LINGO2: variants seen among roughly 807,000 people sequenced by gnomAD.
LINGO2 encodes leucine-rich repeat and immunoglobulin-like domain-containing nogo receptor-interacting protein 2.
Under a neutral mutation model 30.6 loss-of-function variants are expected in LINGO2, and 14 were observed. The ratio of observed to expected loss-of-function variants is 0.46; its 90% confidence interval spans 0.30 to 0.72. The LOEUF (loss-of-function observed/expected upper bound fraction) is 0.72, where lower values mean the gene tolerates loss of function less well. Ranked by LOEUF, LINGO2 falls within the 30% of genes least tolerant of loss-of-function variation. The pLI is 0.07. For synonymous variants in LINGO2, 317 were observed against 288.5 expected (o/e 1.10, Z -1.00); for missense variants, 729 against 751.7 (o/e 0.97, Z 0.35).
the LINGO2 span, among the ~76,000 whole-genome samples, chr9:29,190,551 G>A: frequency 6.6e-6 from 1 of 152,062 alleles, no homozygotes; most frequent in Non-Finnish European, 1.5e-5. Flanking sequence ...TAGTTCATAT[G>A]ATTAAAATAG....
At chr9:28,246,662 C>A (rs1346501991) in intron 4 of LINGO2, among the ~76,000 whole-genome samples, 1 of 151,946 alleles carries the variant, frequency 6.6e-6, no homozygotes, top group African/African-American at 2.4e-5. Context: ...AGAAGAAAAC[C>A]TAGGCAATAC....
chr9:29,072,611 T>TTATATATATATATATATATA, the LINGO2 span, among the ~76,000 whole-genome samples: 311 of 140,290 alleles, frequency 2.2e-3, 10 homozygotes, highest in Middle Eastern at 0.011. Flanking sequence ...TGTCTCTCTT[T>TTATATATATATATATATATA]GATATATATA....
At chr9:28,603,641 T>A (rs570143006) in intron 1 of LINGO2, among the ~76,000 whole-genome samples, 1 of 152,030 alleles carries the variant, frequency 6.6e-6, no homozygotes, top group Non-Finnish European at 1.5e-5. Flanking sequence ...GCTGTCTCCT[T>A]TGGGAAAAAT....
chr9:28,625,186 G>A (rs1306928962), intron 1 of LINGO2, among the ~76,000 whole-genome samples: 2 of 152,052 alleles, frequency 1.3e-5, no homozygotes, highest in Non-Finnish European at 2.9e-5. Context: ...CTCTTGGTTA[G>A]GGCTGGTCCA....
the LINGO2 span, among the ~76,000 whole-genome samples, chr9:29,074,573 T>C: frequency 6.6e-6 from 1 of 152,076 alleles, no homozygotes; most frequent in South Asian, 2.1e-4. Flanking sequence ...GGCACATCCA[T>C]AGGTTTACAA....
intron 4 of LINGO2, among the ~76,000 whole-genome samples, chr9:28,201,247 G>A (rs1474968650): frequency 9.1e-6 from 1 of 109,316 alleles, no homozygotes; most frequent in Admixed American, 1.1e-4. Flanking sequence ...CCCCACCACA[G>A]TCCCCAGAGT....
the LINGO2 span, among the ~76,000 whole-genome samples, chr9:29,148,451 G>A: frequency 0.055 from 8,359 of 152,184 alleles, 278 homozygotes; most frequent in Admixed American, 0.084. Context: ...GACAGAGTTG[G>A]AGTTACACTT....
the LINGO2 span, among the ~76,000 whole-genome samples, chr9:28,773,925 T>G: frequency 6.6e-6 from 1 of 152,132 alleles, no homozygotes; most frequent in Non-Finnish European, 1.5e-5. Context: ...ACCTTGAAAT[T>G]TATAAAATAA....
chr9:28,205,090 T>C (rs1314276035), intron 4 of LINGO2, among the ~76,000 whole-genome samples: 1 of 152,206 alleles, frequency 6.6e-6, no homozygotes, highest in East Asian at 1.9e-4. Flanking sequence ...CTAGAGCCTA[T>C]TCTAGAGACT....
At chr9:28,040,928 A>G (rs77219470) in intron 4 of LINGO2, among the ~76,000 whole-genome samples, 1,815 of 152,236 alleles carry the variant, frequency 0.012, 45 homozygotes, top group African/African-American at 0.042. Flanking sequence ...GAATTGACCT[A>G]TAGTATATAT....
At chr9:27,957,253 C>T (rs1051429243) in intron 5 of LINGO2, among the ~76,000 whole-genome samples, 2 of 152,062 alleles carry the variant, frequency 1.3e-5, no homozygotes, top group Non-Finnish European at 2.9e-5. Flanking sequence ...TACAGCTGTA[C>T]TATATTATAC....
the LINGO2 span, among the ~76,000 whole-genome samples, chr9:28,855,164 G>A: frequency 1.3e-5 from 2 of 151,848 alleles, no homozygotes; most frequent in African/African-American, 4.8e-5. Context: ...TTTGCAAGAT[G>A]GTTTTAAAAA....
At chr9:28,913,293 C>G in the LINGO2 span, among the ~76,000 whole-genome samples, 1 of 151,806 alleles carries the variant, frequency 6.6e-6, no homozygotes, top group South Asian at 2.1e-4. Context: ...TGTATAAATG[C>G]CTGTTCAGTG....
the LINGO2 span, among the ~76,000 whole-genome samples, chr9:28,962,836 T>G: frequency 1.3e-5 from 2 of 151,910 alleles, no homozygotes; most frequent in Admixed American, 1.3e-4. Flanking sequence ...ATACTTTAAT[T>G]ACTTCCCTTA....
intron 1 of LINGO2, among the ~76,000 whole-genome samples, chr9:28,605,566 G>C (rs968211828): frequency 6.6e-6 from 1 of 151,936 alleles, no homozygotes; most frequent in African/African-American, 2.4e-5. Flanking sequence ...TCAGGCCTCC[G>C]AGTTCTCATC....
At chr9:28,032,699 G>A (rs1823741573) in intron 4 of LINGO2, among the ~76,000 whole-genome samples, 1 of 152,192 alleles carries the variant, frequency 6.6e-6, no homozygotes, top group Non-Finnish European at 1.5e-5. Flanking sequence ...ATCTTGGAAT[G>A]AAAACCTATA....
chr9:28,370,398 G>T (rs1397706617), intron 3 of LINGO2, among the ~76,000 whole-genome samples: 4 of 151,962 alleles, frequency 2.6e-5, no homozygotes, highest in Non-Finnish European at 5.9e-5. Context: ...TTTGGTTTCT[G>T]GTTTCCTTCA....
At chr9:29,212,653 G>T in the LINGO2 span, among the ~76,000 whole-genome samples, 2 of 152,026 alleles carry the variant, frequency 1.3e-5, no homozygotes, top group Non-Finnish European at 2.9e-5. Context: ...CCAAATCCAC[G>T]CTGTATATCA....
the LINGO2 span, among the ~76,000 whole-genome samples, chr9:29,076,144 C>A: frequency 1.3e-5 from 2 of 151,968 alleles, no homozygotes; most frequent in Non-Finnish European, 2.9e-5. Flanking sequence ...TCCCAAAGCA[C>A]AGAGATTACA....
Sources: allele counts gnomAD v4.1 joint callset (sites outside exome capture counted in the v4.1 genomes callset), GRCh38; gene constraint gnomAD v4.1.1; transcripts MANE v1.5; gene names NCBI Gene and HGNC (gene_info 2026-07-23, HGNC 2026-07-21).